Variants in ACER1 observed in about 807,000 individuals in gnomAD.
The protein encoded by ACER1 is CTB-180A7.3.
In ACER1, 28 loss-of-function variants were observed where a neutral mutation model predicts 24.9. That is an observed-to-expected ratio of 1.13 (90% CI 0.83 to 1.54). The LOEUF (loss-of-function observed/expected upper bound fraction) is 1.54, where lower values mean the gene tolerates loss of function less well. ACER1 is among the 40% of genes most tolerant of loss of function. ACER1 has a pLI of 0.00. For missense variants in ACER1, 352 were observed against 349.3 expected (o/e 1.01, Z -0.06); for synonymous variants, 132 against 131.4 (o/e 1.00, Z -0.03).
At chr19:6,353,752 A>C in the ACER1 span, among the ~76,000 whole-genome samples, 2 of 151,944 alleles carry the variant, frequency 1.3e-5, no homozygotes, top group African/African-American at 4.8e-5. Flanking sequence ...TTGAACCTGC[A>C]AGGGAGAGGT....
chr19:6,327,250 G>A (rs528087753), intron 1 of ACER1, among the ~76,000 whole-genome samples: 1 of 152,136 alleles, frequency 6.6e-6, no homozygotes, highest in Non-Finnish European at 1.5e-5. Flanking sequence ...GGATGACCTG[G>A]TGAAACCCTG....
At chr19:6,324,235 G>A (rs2091647371) in intron 1 of ACER1, among the ~76,000 whole-genome samples, 1 of 151,690 alleles carries the variant, frequency 6.6e-6, no homozygotes, top group Non-Finnish European at 1.5e-5. Context: ...GTAGAGATGG[G>A]GTTTCACCAT....
the ACER1 span, among the ~76,000 whole-genome samples, chr19:6,355,783 G>A: frequency 1.1e-4 from 16 of 143,146 alleles, no homozygotes; most frequent in South Asian, 8.8e-4. Context: ...CAGCCGCCCC[G>A]TCCGGGAGGG....
chr19:6,335,906 C>CTTTTCTTTTCTT (rs1555717055), upstream of ACER1, among the ~76,000 whole-genome samples: 5 of 141,556 alleles, frequency 3.5e-5, no homozygotes, highest in African/African-American at 1.0e-4. Flanking sequence ...TTTTTCTTTT[C>CTTTTCTTTTCTT]TTTTTTTTTT....
the ACER1 span, among the ~76,000 whole-genome samples, chr19:6,349,273 T>G: frequency 1.3e-5 from 2 of 149,014 alleles, no homozygotes; most frequent in Non-Finnish European, 3.0e-5. Context: ...GCCTAGAGTT[T>G]GAGATCAGCC....
At chr19:6,331,473 G>C (rs568342535) in intron 1 of ACER1, among the ~76,000 whole-genome samples, 1 of 135,924 alleles carries the variant, frequency 7.4e-6, no homozygotes, top group African/African-American at 3.3e-5. Flanking sequence ...TGCTCACTGA[G>C]CAAGGCCTAT....
chr19:6,309,645 G>A, intron 4 of ACER1, 52 bp downstream of exon 4: 1 of 1,609,606 alleles, frequency 6.2e-7, no homozygotes, highest in South Asian at 1.1e-5. Context: ...AGTCAGGGGT[G>A]CTAGGAGGGG....
the ACER1 span, among the ~76,000 whole-genome samples, chr19:6,349,634 C>G: frequency 6.6e-6 from 1 of 152,126 alleles, no homozygotes; most frequent in Non-Finnish European, 1.5e-5. Flanking sequence ...AGCCAGTGAG[C>G]CCCATCAGAG....
chr19:6,328,906 C>G (rs28635352), intron 1 of ACER1, among the ~76,000 whole-genome samples: 7 of 151,362 alleles, frequency 4.6e-5, no homozygotes. Context: ...AACTCCTGAG[C>G]GCAAGTGATT....
upstream of ACER1, among the ~76,000 whole-genome samples, chr19:6,334,898 T>G (rs1224418151): frequency 6.6e-6 from 1 of 150,950 alleles, no homozygotes; most frequent in Non-Finnish European, 1.5e-5. Context: ...ATTACAGGGT[T>G]TTCTTACTGA....
chr19:6,307,019 C>G, intron 5 of ACER1, 134 bp downstream of exon 5: 1 of 1,495,190 alleles, frequency 6.7e-7, no homozygotes, highest in South Asian at 1.3e-5. Context: ...GCAGCCTTCC[C>G]CTACCGCCAG....
chr19:6,313,034 G>A (rs1215598754), intron 1 of ACER1, among the ~76,000 whole-genome samples: 4 of 152,084 alleles, frequency 2.6e-5, no homozygotes, highest in Middle Eastern at 3.2e-3. Flanking sequence ...TTCTCGATCC[G>A]TTATTGGTTC....
At chr19:6,354,271 T>C in the ACER1 span, among the ~76,000 whole-genome samples, 10 of 151,636 alleles carry the variant, frequency 6.6e-5, no homozygotes, top group African/African-American at 2.2e-4. Flanking sequence ...CCCTGGAGGA[T>C]ACTTGGCAAT....
intron 1 of ACER1, among the ~76,000 whole-genome samples, chr19:6,330,326 C>T (rs1241761306): frequency 6.7e-6 from 1 of 149,866 alleles, no homozygotes; most frequent in Non-Finnish European, 1.5e-5. Context: ...CGCCACCATG[C>T]CCAGCTAATT....
the ACER1 span, among the ~76,000 whole-genome samples, chr19:6,355,238 C>A: frequency 6.6e-6 from 1 of 152,118 alleles, no homozygotes; most frequent in East Asian, 1.9e-4. Flanking sequence ...CTCTGCCCGG[C>A]CGCCACCCTG....
chr19:6,334,884 T>A (rs181925065), upstream of ACER1, among the ~76,000 whole-genome samples: 627 of 151,130 alleles, frequency 4.1e-3, 5 homozygotes, highest in African/African-American at 0.012. Context: ...CCCAAAGTGC[T>A]GGGATTACAG....
At chr19:6,325,045 C>T (rs2091654282) in intron 1 of ACER1, among the ~76,000 whole-genome samples, 2 of 152,092 alleles carry the variant, frequency 1.3e-5, no homozygotes, top group Admixed American at 1.3e-4. Context: ...CTACTCGAGC[C>T]GCCCCTCCCA....
At chr19:6,337,195 C>A (rs2091717696), upstream of ACER1, among the ~76,000 whole-genome samples, 1 of 150,324 alleles carries the variant, frequency 6.7e-6, no homozygotes. Context: ...AAAAAAATCA[C>A]TGTGGTGTCT....
At chr19:6,340,339 G>A in the ACER1 span, among the ~76,000 whole-genome samples, 1 of 143,688 alleles carries the variant, frequency 7.0e-6, no homozygotes, top group Non-Finnish European at 1.5e-5. Flanking sequence ...AAGGAAGGAA[G>A]GAAGGAAGGA....
Sources: gnomAD v4.1 joint callset for allele counts (sites outside exome capture counted in the v4.1 genomes callset) on GRCh38, gnomAD v4.1.1 for gene constraint, MANE v1.5 for transcripts, NCBI Gene and HGNC (gene_info 2026-07-23, HGNC 2026-07-21) for gene names.